Variants in RBFOX1 observed in about 807,000 individuals in gnomAD.
The protein encoded by RBFOX1 is RNA binding protein fox-1 homolog 1.
RBFOX1 carries 8 observed loss-of-function variants against 57.7 expected under a neutral mutation model. The observed-to-expected ratio is 0.14, with a 90% CI of 0.08 to 0.25. The LOEUF is 0.25. Ranked by LOEUF, RBFOX1 falls within the 10% of genes least tolerant of loss-of-function variation. The pLI, the probability that RBFOX1 is intolerant of heterozygous loss-of-function variation, is 1.00. For missense variants in RBFOX1, 611 were observed against 548.5 expected, an observed-to-expected ratio of 1.11 and a Z score of -1.14; for synonymous variants, 326 against 222.4, an observed-to-expected ratio of 1.47 and a Z score of -4.15.
At chr16:5,546,788 A>C (rs1296326048) in intron 2 of RBFOX1, among the ~76,000 whole-genome samples, 1 of 152,068 alleles carries the variant, frequency 6.6e-6, no homozygotes, top group Non-Finnish European at 1.5e-5. Context: ...AAAATTAAAA[A>C]CTCTACTTTG....
At chr16:5,855,299 AGACCAAT>A (rs1247836632) in intron 3 of RBFOX1, among the ~76,000 whole-genome samples, 28 of 152,214 alleles carry the variant, frequency 1.8e-4, no homozygotes, top group Admixed American at 4.6e-4. Flanking sequence ...TTCACTACGC[AGACCAAT>A]GTCAAGAAGG....
At chr16:6,623,995 C>G (rs1349021888) in intron 2 of RBFOX1, among the ~76,000 whole-genome samples, 4 of 152,110 alleles carry the variant, frequency 2.6e-5, no homozygotes, top group Non-Finnish European at 5.9e-5. Context: ...ATTTCTAGTT[C>G]TAGATCCCTG....
intron 4 of RBFOX1, among the ~76,000 whole-genome samples, chr16:5,972,652 T>C (rs1241761674): frequency 6.6e-6 from 1 of 152,156 alleles, no homozygotes; most frequent in Non-Finnish European, 1.5e-5. Flanking sequence ...GACCAGGAGA[T>C]GGGAACATGT....
At chr16:7,457,506 T>G (rs535108723) in intron 4 of RBFOX1, among the ~76,000 whole-genome samples, 28 of 152,326 alleles carry the variant, frequency 1.8e-4, no homozygotes, top group African/African-American at 6.7e-4. Flanking sequence ...TCTTCTTTAC[T>G]TAAGTGGTGA....
chr16:5,605,818 A>G (rs78122767), intron 3 of RBFOX1, among the ~76,000 whole-genome samples: 5,641 of 151,760 alleles, frequency 0.037, 244 homozygotes, highest in African/African-American at 0.11. Flanking sequence ...GGCGAGAAGA[A>G]TGGTACTCTT....
intron 4 of RBFOX1, among the ~76,000 whole-genome samples, chr16:7,190,935 T>C (rs2085223754): frequency 2.6e-5 from 4 of 152,098 alleles, no homozygotes; most frequent in South Asian, 2.1e-4. Context: ...CTTTTTTTTT[T>C]CCTGGACTTC....
At chr16:6,643,710 G>A (rs948619808) in intron 2 of RBFOX1, among the ~76,000 whole-genome samples, 1 of 152,026 alleles carries the variant, frequency 6.6e-6, no homozygotes, top group South Asian at 2.1e-4. Flanking sequence ...CATCGGAGTG[G>A]TAGGAAGCCA....
intron 1 of RBFOX1, among the ~76,000 whole-genome samples, chr16:6,310,100 C>T (rs1486401134): frequency 6.6e-6 from 1 of 152,184 alleles, no homozygotes; most frequent in East Asian, 1.9e-4. Context: ...ATTGGTCAGG[C>T]TGGTCTCGAA....
rs144353707 is a variant in RBFOX1 at position 7,698,120 on chromosome 16, T to C, written c.996-10936T>C. ...TTAGTGGCTGAAAAACAATTAACAATATGCTAGTCCCTGAAAACCCCAGAC... is the reference window on the plus strand; with the variant it reads ...TTAGTGGCTGAAAAACAATTAACAACATGCTAGTCCCTGAAAACCCCAGAC... On this transcript the variant is annotated intron_variant, in intron 14 of 15. Coordinates refer to ENST00000550418, the MANE Select transcript of RBFOX1 (RefSeq NM_018723.4). Among the ~76,000 whole-genome samples, 35 of 152,138 alleles carry C rather than the reference T, an allele frequency of 2.3e-4. No individual in the cohort carries two copies. The East Asian group carries it at 5.8e-3, about 25-fold the overall frequency.
chr16:6,608,575 G>T (rs1046931493), intron 2 of RBFOX1, among the ~76,000 whole-genome samples: 1 of 152,162 alleles, frequency 6.6e-6, no homozygotes, highest in Non-Finnish European at 1.5e-5. Context: ...AATCGCTTGA[G>T]ACCAGGAGTT....
chr16:5,296,291 C>G (rs943504120), intron 1 of RBFOX1, among the ~76,000 whole-genome samples: 1 of 152,200 alleles, frequency 6.6e-6, no homozygotes, highest in African/African-American at 2.4e-5. Context: ...CGGGTGGCCT[C>G]TCATGACTTG....
chr16:7,686,924 C>G (rs1476871018), intron 14 of RBFOX1, among the ~76,000 whole-genome samples: 1 of 152,066 alleles, frequency 6.6e-6, no homozygotes, highest in Non-Finnish European at 1.5e-5. Flanking sequence ...TTCCAAAACT[C>G]AGATCTTTTT....
In RBFOX1 at chr16:6,222,446, G is replaced by C. The variant is rs141360682; in HGVS notation, c.-126-94549G>C. ...CCTTCTGCTTGCCTGGAGCATAGAA[G>C]TGATAACTGGAGCTGTGACAATTGC... is the stretch of plus-strand genomic sequence containing the variant. On this transcript the variant is annotated intron_variant, in intron 1 of 15. Coordinates refer to ENST00000550418, the MANE Select transcript of RBFOX1 (RefSeq NM_018723.4). Among the ~76,000 whole-genome samples the C allele has an allele frequency of 1.4e-3, 217 of 151,862 alleles. 1 individual carries two copies. The highest frequency in any genetic ancestry group is 3.4e-3 in the Middle Eastern group (1 of 294).
At chr16:7,571,924 T>A (rs997821755) in intron 5 of RBFOX1, among the ~76,000 whole-genome samples, 2 of 151,968 alleles carry the variant, frequency 1.3e-5, no homozygotes, top group East Asian at 1.9e-4. Context: ...AGGTCAGGAG[T>A]TTGAGACCAG....
rs2065619063 is a variant in RBFOX1, at chr16:5,363,690, A to G, written c.220-103526A>G. Among the ~76,000 whole-genome samples the G allele has an allele frequency of 1.3e-5, 2 of 152,020 alleles. 1 individual carries two copies. Among genetic ancestry groups the G allele is most frequent in the South Asian group, 4.1e-4 (2 of 4,824 alleles). ...CACTTTGGAAATTGCTTGTGAAATT[A>G]TTTGCTTGTCTGTCTCCTACACCCC... On this transcript the variant is annotated intron_variant, in intron 1 of 2. Coordinates refer to the RBFOX1 transcript ENST00000585867.
At chr16:6,871,865 G>A (rs976405298) in intron 3 of RBFOX1, among the ~76,000 whole-genome samples, 2 of 151,626 alleles carry the variant, frequency 1.3e-5, no homozygotes, top group South Asian at 2.1e-4. Context: ...ATCCGCATCT[G>A]ATGGCACTTT....
chr16:7,195,463 C>G (rs1475832564), intron 4 of RBFOX1, among the ~76,000 whole-genome samples: 1 of 152,138 alleles, frequency 6.6e-6, no homozygotes, highest in Non-Finnish European at 1.5e-5. Flanking sequence ...ATTGGCAAGG[C>G]AAAACAGAAC....
rs138163011 is a variant in RBFOX1, at chr16:5,632,746, C to G, written c.318+33785C>G. 5.9e-5 allele frequency among the ~76,000 whole-genome samples: 9 copies of G among 152,294 alleles called. No homozygotes were observed. In the East Asian group the frequency reaches 1.2e-3, roughly 20 times the overall value. On this transcript the variant is annotated intron_variant, in intron 3 of 19. Transcript: ENST00000641259. ...GTGAGCACTTACTGTCCCGCACATG[C>G]TGCTGTGATAACACTTTACAAAGTG... is the stretch of plus-strand genomic sequence containing the variant.
chr16:6,612,125 A>C (rs1468413425), intron 2 of RBFOX1, among the ~76,000 whole-genome samples: 1 of 152,140 alleles, frequency 6.6e-6, no homozygotes, highest in Admixed American at 6.5e-5. Flanking sequence ...GCATCTAGGG[A>C]TTATCCCTGG....
Sources: allele counts gnomAD v4.1 joint callset (sites outside exome capture counted in the v4.1 genomes callset), GRCh38; gene constraint gnomAD v4.1.1; transcripts MANE v1.5; gene names NCBI Gene and HGNC (gene_info 2026-07-23, HGNC 2026-07-21).